The following RBPMS variants were observed in gnomAD, a reference collection of about 807,000 sequenced individuals.
RBPMS encodes RNA binding protein, mRNA processing factor, also known as RNA-binding protein with multiple splicing.
RBPMS carries 7 observed loss-of-function variants against 26.8 expected under a neutral mutation model. The observed-to-expected ratio is 0.26, with a 90% CI of 0.15 to 0.49. RBPMS has a LOEUF of 0.49. RBPMS is among the 20% of genes least tolerant of loss of function. The pLI is 0.98. For missense variants in RBPMS, 186 were observed against 250.0 expected, an observed-to-expected ratio of 0.74 and a Z score of 1.73; for synonymous variants, 96 against 93.3, an observed-to-expected ratio of 1.03 and a Z score of -0.17.
intron 1 of RBPMS, among the ~76,000 whole-genome samples, chr8:30,416,956 G>A (rs553657020): frequency 6.6e-6 from 1 of 152,076 alleles, no homozygotes; most frequent in African/African-American, 2.4e-5. Context: ...TTTTAGTAGA[G>A]ACGGGGTTTT....
intron 7 of RBPMS, among the ~76,000 whole-genome samples, chr8:30,563,646 C>CTAT (rs1355258194): frequency 1.3e-5 from 2 of 152,316 alleles, no homozygotes; most frequent in Admixed American, 1.3e-4. Flanking sequence ...GAATTTGGAG[C>CTAT]TATTTTTCCC....
chr8:30,534,753 A>G (rs909964743), intron 5 of RBPMS, among the ~76,000 whole-genome samples: 17 of 151,542 alleles, frequency 1.1e-4, no homozygotes, highest in African/African-American at 4.1e-4. Context: ...GTCAGTGGCA[A>G]TCTCTTTAAA....
At chr8:30,479,208 C>T (rs1412020323) in intron 3 of RBPMS, 107 bp from the exon 4 acceptor site, 4 of 799,782 alleles carry the variant, frequency 5.0e-6, no homozygotes, top group South Asian at 4.6e-5. Context: ...TGCCCATTGC[C>T]TGTGGTCATT....
chr8:30,498,892 A>C (rs1438554142), intron 4 of RBPMS, among the ~76,000 whole-genome samples: 1 of 151,928 alleles, frequency 6.6e-6, no homozygotes, highest in Non-Finnish European at 1.5e-5. Flanking sequence ...GTGTTTATTA[A>C]AATAAAAATT....
chr8:30,467,505 C>G (rs1816642545), intron 1 of RBPMS, among the ~76,000 whole-genome samples: 1 of 152,190 alleles, frequency 6.6e-6, no homozygotes. Flanking sequence ...AGAGGGATGG[C>G]ACTGCCATAG....
At chr8:30,414,794 C>G (rs2915617) in intron 1 of RBPMS, among the ~76,000 whole-genome samples, 117,772 of 152,092 alleles carry the variant, frequency 0.77, 46,453 homozygotes, top group African/African-American at 0.92. Flanking sequence ...TTTTTCCCAG[C>G]ACTGACAGAG....
At chr8:30,435,763 A>T (rs888357371) in intron 1 of RBPMS, among the ~76,000 whole-genome samples, 2 of 152,202 alleles carry the variant, frequency 1.3e-5, no homozygotes, top group Non-Finnish European at 2.9e-5. Context: ...GTCTTCAAAG[A>T]TAAATCAGTG....
chr8:30,571,653 A>C lies in RBPMS; in HGVS notation c.*1128A>C, dbSNP rs780037223. 1 of 152,264 alleles carries C rather than the reference A, an allele frequency of 6.6e-6. No individual in the cohort carries two copies. Among genetic ancestry groups the C allele is most frequent in the Non-Finnish European group, 1.5e-5 (1 of 68,056 alleles). The allele number at this position is 152,264 out of a possible 1,614,324, so 9.4% of individuals were successfully genotyped here. A position where few individuals can be genotyped will look rare whatever the true frequency, so the allele number is the denominator to read the frequency against. The stretch of plus-strand genomic sequence containing the variant: ...ACCGACCACATACCATGAGCTCCCA[A>C]ATGGCGTGTGCTCACTGTGAGACGT... On this transcript the variant is annotated 3_prime_UTR_variant, in exon 9 of 9. Coordinates refer to ENST00000397323, the MANE Select transcript of RBPMS (RefSeq NM_001008710.3).
chr8:30,549,458 T>G, intron 6 of RBPMS: 1 of 1,511,780 alleles, frequency 6.6e-7, no homozygotes, highest in Non-Finnish European at 9.2e-7. Flanking sequence ...ATAAATGAAA[T>G]TGTTAATCCT....
intron 2 of RBPMS, among the ~76,000 whole-genome samples, chr8:30,476,420 T>A (rs1817698423): frequency 6.6e-6 from 1 of 152,196 alleles, no homozygotes; most frequent in South Asian, 2.1e-4. Flanking sequence ...CTTCATGGTG[T>A]TTAAACCTCT....
chr8:30,556,172 G>A (rs545387983), intron 6 of RBPMS: 4 of 985,456 alleles, frequency 4.1e-6, no homozygotes, highest in East Asian at 1.1e-4. Flanking sequence ...AGGGGTCTGT[G>A]TGTCCGCCAC....
chr8:30,509,551 C>T (rs149478414), intron 5 of RBPMS, among the ~76,000 whole-genome samples: 2,530 of 152,278 alleles, frequency 0.017, 55 homozygotes, highest in South Asian at 0.036. Context: ...TTCATCTCTG[C>T]GGGACAAGGT....
chr8:30,475,829 T>G (rs1817628667), intron 2 of RBPMS, among the ~76,000 whole-genome samples: 1 of 152,096 alleles, frequency 6.6e-6, no homozygotes, highest in African/African-American at 2.4e-5. Flanking sequence ...ATAAGGGACA[T>G]AAGTCCACCT....
chr8:30,410,893 G>A (rs1202426785), intron 1 of RBPMS, among the ~76,000 whole-genome samples: 2 of 151,920 alleles, frequency 1.3e-5, no homozygotes, highest in Non-Finnish European at 2.9e-5. Flanking sequence ...ACACAGCCAT[G>A]CCAGGCTAAT....
At chr8:30,517,437 T>C (rs749084574) in intron 5 of RBPMS, among the ~76,000 whole-genome samples, 2 of 152,172 alleles carry the variant, frequency 1.3e-5, no homozygotes, top group Non-Finnish European at 2.9e-5. Flanking sequence ...GCAGTATCTC[T>C]ACTTAAACAA....
chr8:30,489,246 T>C (rs1026934418), intron 4 of RBPMS, among the ~76,000 whole-genome samples: 1 of 151,988 alleles, frequency 6.6e-6, no homozygotes, highest in South Asian at 2.1e-4. Context: ...GTTGTCTCTC[T>C]GTATTGCCCA....
intron 5 of RBPMS, among the ~76,000 whole-genome samples, chr8:30,509,414 C>T (rs138298229): frequency 2.0e-5 from 3 of 152,314 alleles, no homozygotes; most frequent in African/African-American, 4.8e-5. Context: ...TAACAACCTA[C>T]GCTAACTGGA....
chr8:30,427,224 T>C (rs896896686), intron 1 of RBPMS, among the ~76,000 whole-genome samples: 1 of 152,226 alleles, frequency 6.6e-6, no homozygotes, highest in African/African-American at 2.4e-5. Context: ...TCTTCAGAAC[T>C]CCATACCCAC....
In RBPMS at chr8:30,438,933, C is replaced by A. The variant is rs140050802; in HGVS notation, c.67-35846C>A. 3.1e-3 allele frequency among the ~76,000 whole-genome samples: 466 copies of A among 152,168 alleles called. 1 individual carries two copies. The highest frequency in any genetic ancestry group is 0.01 in the African/African-American group (419 of 41,510). Reference sequence around the variant, plus strand: ...GGCCTACAGGCGCATGCCACCACACCCGGCTAATTTTTGTATTTTTAGAAA... The same window carrying A: ...GGCCTACAGGCGCATGCCACCACACACGGCTAATTTTTGTATTTTTAGAAA... On this transcript the variant is annotated intron_variant, in intron 1 of 8. Transcript: ENST00000397323.
Sources: allele counts gnomAD v4.1 joint callset (sites outside exome capture counted in the v4.1 genomes callset), GRCh38; gene constraint gnomAD v4.1.1; transcripts MANE v1.5; gene names NCBI Gene and HGNC (gene_info 2026-07-23, HGNC 2026-07-21).